Variants in TRPC4 observed in about 807,000 individuals in gnomAD.
The protein encoded by TRPC4 is transient receptor potential cation channel subfamily C member 4.
A neutral mutation model predicts 99.4 loss-of-function variants in TRPC4; 49 were observed. The observed-to-expected ratio is 0.49, with a 90% CI of 0.39 to 0.63. The LOEUF is 0.63. TRPC4 is among the 20% of genes least tolerant of loss of function. TRPC4 has a pLI of 0.00. For synonymous variants in TRPC4, 454 were observed against 425.9 expected, an observed-to-expected ratio of 1.07 and a Z score of -0.81; for missense variants, 898 against 1,152.9, an observed-to-expected ratio of 0.78 and a Z score of 3.20.
chr13:37,635,421 C>T lies in TRPC4; in HGVS notation c.*1482G>A, dbSNP rs1193455096. ...GTAAAGAGCAGTACATAAATGTTAA[C>T]AGGTGTATAGGAATAGAACAGAGGC... On this transcript the variant is annotated 3_prime_UTR_variant, in exon 11 of 11. Transcript: ENST00000379705. 6.6e-6 allele frequency among the ~76,000 whole-genome samples: 1 copy of T among 152,014 alleles called. No individual in the cohort carries two copies. Among genetic ancestry groups the T allele is most frequent in the Non-Finnish European group, 1.5e-5 (1 of 67,992 alleles).
intron 1 of TRPC4, among the ~76,000 whole-genome samples, chr13:37,842,342 CCAAAAAAAA>C (rs1331904599): frequency 4.0e-4 from 19 of 47,860 alleles, no homozygotes; most frequent in East Asian, 3.7e-3. Flanking sequence ...TAGCGTCTAG[CCAAAAAAAA>C]AAAAAAAAAA....
At chr13:37,711,824 T>A (rs1954495326) in intron 3 of TRPC4, among the ~76,000 whole-genome samples, 1 of 152,096 alleles carries the variant, frequency 6.6e-6, no homozygotes, top group Non-Finnish European at 1.5e-5. Flanking sequence ...CTAATAGACA[T>A]ATTTCAGAAA....
chr13:37,686,543 A>G (rs1187584355), intron 4 of TRPC4, among the ~76,000 whole-genome samples: 1 of 152,132 alleles, frequency 6.6e-6, no homozygotes, highest in Non-Finnish European at 1.5e-5. Flanking sequence ...TTCATTCTAC[A>G]TCTTCAATTT....
At chr13:37,639,013 T>C (rs373981976) in intron 10 of TRPC4, 27 bp downstream of exon 10, 59 of 1,606,314 alleles carry the variant, frequency 3.7e-5, no homozygotes, top group Non-Finnish European at 4.6e-5. Context: ...ACAATCTGCC[T>C]CTTGTGATGA....
At chr13:37,834,115 A>T (rs1361423760) in intron 1 of TRPC4, among the ~76,000 whole-genome samples, 1 of 152,226 alleles carries the variant, frequency 6.6e-6, no homozygotes, top group Non-Finnish European at 1.5e-5. Context: ...TCATGCCAAT[A>T]GTCTATCTGT....
intron 1 of TRPC4, among the ~76,000 whole-genome samples, chr13:37,797,303 A>G (rs1957282454): frequency 6.6e-6 from 1 of 152,198 alleles, no homozygotes; most frequent in African/African-American, 2.4e-5. Flanking sequence ...TCAACTGACT[A>G]TGGATGCAAC....
chr13:37,868,336 A>C lies in TRPC4; in HGVS notation c.-28+1259T>G, dbSNP rs553117537. On this transcript the variant is annotated intron_variant, in intron 1 of 10. Transcript: ENST00000379705. ...CATTTAAGGAGGATGTTTTCTGGAC[A>C]ATAGTGTCCAGGTGAATAAGAAAGT... Among the ~76,000 whole-genome samples the C allele has an allele frequency of 7.9e-5, 12 of 152,192 alleles. No individual in the cohort carries two copies. In the East Asian group the frequency reaches 2.1e-3, roughly 27 times the overall value.
intron 3 of TRPC4, among the ~76,000 whole-genome samples, chr13:37,732,460 T>C (rs1593611145): frequency 3.3e-5 from 5 of 152,166 alleles, no homozygotes; most frequent in Admixed American, 3.3e-4. Flanking sequence ...CTGGAAGTAC[T>C]AGTAAGAGCA....
intron 2 of TRPC4, among the ~76,000 whole-genome samples, chr13:37,781,789 G>A (rs1389619984): frequency 6.6e-6 from 1 of 151,996 alleles, no homozygotes; most frequent in African/African-American, 2.4e-5. Flanking sequence ...GAATGGGGAT[G>A]AAACATAAAA....
chr13:37,714,058 T>C (rs1012162507), intron 3 of TRPC4, among the ~76,000 whole-genome samples: 5 of 151,258 alleles, frequency 3.3e-5, no homozygotes, highest in African/African-American at 7.3e-5. Context: ...CTTCCCTCCT[T>C]CCTTCCTTCC....
chr13:37,697,719 A>C (rs554866558), intron 3 of TRPC4, among the ~76,000 whole-genome samples: 9 of 152,286 alleles, frequency 5.9e-5, no homozygotes, highest in African/African-American at 2.2e-4. Context: ...AGAGATGGAG[A>C]ATATCAGGCC....
intron 2 of TRPC4, among the ~76,000 whole-genome samples, chr13:37,749,864 T>C (rs914150892): frequency 2.0e-5 from 3 of 152,140 alleles, no homozygotes; most frequent in Non-Finnish European, 2.9e-5. Context: ...AACATACATA[T>C]AGTAAAATGC....
intron 1 of TRPC4, among the ~76,000 whole-genome samples, chr13:37,787,605 T>A (rs1957004790): frequency 6.6e-6 from 1 of 152,038 alleles, no homozygotes; most frequent in Non-Finnish European, 1.5e-5. Context: ...GACTGAACTG[T>A]TTTGTGACTT....
At chr13:37,745,619 A>AC (rs1955753591) in intron 3 of TRPC4, among the ~76,000 whole-genome samples, 1 of 150,170 alleles carries the variant, frequency 6.7e-6, no homozygotes, top group Admixed American at 6.7e-5. Context: ...TCTATCTGTG[A>AC]CCCCCTAAAG....
intron 2 of TRPC4, among the ~76,000 whole-genome samples, chr13:37,762,192 T>C (rs1956241047): frequency 1.3e-5 from 2 of 151,790 alleles, no homozygotes; most frequent in South Asian, 2.1e-4. Flanking sequence ...ACTTCTACAA[T>C]GGTTGAACTA....
chr13:37,684,228 C>T (rs1012555867), intron 4 of TRPC4, among the ~76,000 whole-genome samples: 11 of 151,972 alleles, frequency 7.2e-5, no homozygotes, highest in African/African-American at 2.7e-4. Context: ...AAAACACTGA[C>T]ATAAAGAGAC....
chr13:37,761,227 T>A (rs937306381), intron 2 of TRPC4, among the ~76,000 whole-genome samples: 1 of 151,942 alleles, frequency 6.6e-6, no homozygotes, highest in African/African-American at 2.4e-5. Context: ...GAGCTTGTTA[T>A]ACCTCATCTC....
intron 1 of TRPC4, among the ~76,000 whole-genome samples, chr13:37,851,838 A>G (rs999650541): frequency 6.6e-6 from 1 of 152,212 alleles, no homozygotes; most frequent in African/African-American, 2.4e-5. Flanking sequence ...GAGGGAGAGC[A>G]CAGCAACAGG....
intron 3 of TRPC4, among the ~76,000 whole-genome samples, chr13:37,711,155 G>T (rs1004990047): frequency 2.0e-5 from 3 of 151,842 alleles, no homozygotes. Context: ...TATACTAGAG[G>T]TCTATTATTG....
Sources: gnomAD v4.1 joint callset for allele counts (sites outside exome capture counted in the v4.1 genomes callset) on GRCh38, gnomAD v4.1.1 for gene constraint, MANE v1.5 for transcripts, NCBI Gene and HGNC (gene_info 2026-07-23, HGNC 2026-07-21) for gene names.